Variants in NDST3 observed in about 807,000 individuals in gnomAD.
The protein encoded by NDST3 is bifunctional heparan sulfate N-deacetylase/N-sulfotransferase 3.
NDST3 carries 58 observed loss-of-function variants against 96.1 expected under a neutral mutation model. That is an observed-to-expected ratio of 0.60 (90% CI 0.49 to 0.75). NDST3 has a LOEUF of 0.75. NDST3 is among the 30% of genes least tolerant of loss of function. The pLI, the probability that NDST3 is intolerant of heterozygous loss-of-function variation, is 0.00. For synonymous variants in NDST3, 333 were observed against 359.7 expected (o/e 0.93, Z 0.84); for missense variants, 788 against 1,034.2 (o/e 0.76, Z 3.27).
At chr4:118,184,580 C>T (rs1157640432) in intron 6 of NDST3, among the ~76,000 whole-genome samples, 3 of 137,704 alleles carry the variant, frequency 2.2e-5, no homozygotes, top group East Asian at 2.2e-4. Flanking sequence ...TCTCTGTCTC[C>T]CTTTGTCTCT....
rs758653255 is a variant in NDST3 at position 118,240,604 on chromosome 4, G to A, written c.2199G>A (p.Ser733=). The A allele has an allele frequency of 4.3e-6, 7 of 1,613,670 alleles. No homozygotes were observed. The Admixed American group carries it at 5.0e-5, about 12-fold the overall frequency. The change falls in exon 11 of 14, where the codon TCG becomes TCA. Residue 733 remains serine, a synonymous_variant. Coordinates refer to ENST00000296499, the MANE Select transcript of NDST3 (RefSeq NM_004784.3). Reference sequence around the variant, plus strand: ...TCTCAGCAGGGCCCCGTGCACCCTCGGAGCTCAGAGCCTTGCAGAAGAGAT... The same window carrying A: ...TCTCAGCAGGGCCCCGTGCACCCTCAGAGCTCAGAGCCTTGCAGAAGAGAT... ...EVISAGPRAP[S]ELRALQKRCL...
intron 1 of NDST3, among the ~76,000 whole-genome samples, chr4:118,041,759 C>T (rs1423992681): frequency 1.3e-5 from 2 of 152,174 alleles, no homozygotes; most frequent in Admixed American, 6.5e-5. Context: ...CATCACTATA[C>T]TGAAATGTTT....
chr4:118,212,486 G>A (rs922906590), intron 6 of NDST3, among the ~76,000 whole-genome samples: 6 of 152,226 alleles, frequency 3.9e-5, no homozygotes, highest in African/African-American at 1.4e-4. Context: ...GCTGCAGTGA[G>A]CTGTGATGGA....
At chr4:118,120,408 G>A (rs1405306426) in intron 4 of NDST3, among the ~76,000 whole-genome samples, 2 of 152,140 alleles carry the variant, frequency 1.3e-5, no homozygotes, top group African/African-American at 4.8e-5. Flanking sequence ...GGGTAAGCAG[G>A]CTCAGGATTG....
chr4:118,125,327 C>T (rs1731961196), intron 4 of NDST3, among the ~76,000 whole-genome samples: 1 of 151,962 alleles, frequency 6.6e-6, no homozygotes, highest in Admixed American at 6.6e-5. Flanking sequence ...CAACAGCTGC[C>T]AACAGGGGAT....
chr4:118,249,344 G>A (rs1741509202), intron 12 of NDST3, among the ~76,000 whole-genome samples: 1 of 152,124 alleles, frequency 6.6e-6, no homozygotes, highest in South Asian at 2.1e-4. Flanking sequence ...ATTGCTGATA[G>A]CAAAATGTTA....
At chr4:118,070,775 C>G (rs1251470318) in intron 2 of NDST3, among the ~76,000 whole-genome samples, 1 of 151,544 alleles carries the variant, frequency 6.6e-6, no homozygotes, top group Non-Finnish European at 1.5e-5. Flanking sequence ...TTAGGTATAT[C>G]TCCTAATGCT....
intron 2 of NDST3, among the ~76,000 whole-genome samples, chr4:118,102,418 T>C (rs999689434): frequency 2.2e-4 from 34 of 152,082 alleles, no homozygotes; most frequent in African/African-American, 7.7e-4. Context: ...CCAGAATACA[T>C]GTGGTTTTCT....
intron 2 of NDST3, among the ~76,000 whole-genome samples, chr4:118,085,272 G>C (rs1327686124): frequency 6.6e-6 from 1 of 152,084 alleles, no homozygotes; most frequent in African/African-American, 2.4e-5. Flanking sequence ...AATGCTTCTA[G>C]CGCTCTCAAA....
chr4:118,130,600 C>A (rs951446983), intron 4 of NDST3, among the ~76,000 whole-genome samples: 1 of 152,124 alleles, frequency 6.6e-6, no homozygotes, highest in African/African-American at 2.4e-5. Context: ...AGTTTACACA[C>A]CACCATTACA....
chr4:118,104,551 C>A (rs189316710), intron 2 of NDST3, among the ~76,000 whole-genome samples: 7 of 152,216 alleles, frequency 4.6e-5, no homozygotes, highest in Admixed American at 3.3e-4. Context: ...GAACAACAAT[C>A]ATTATCTTTT....
intron 6 of NDST3, among the ~76,000 whole-genome samples, chr4:118,209,053 T>C (rs1738619305): frequency 6.6e-6 from 1 of 152,154 alleles, no homozygotes; most frequent in African/African-American, 2.4e-5. Context: ...CAAATTTTCA[T>C]GTAGGTCAAT....
intron 6 of NDST3, among the ~76,000 whole-genome samples, chr4:118,211,426 A>C (rs1362064070): frequency 6.7e-6 from 1 of 148,208 alleles, no homozygotes; most frequent in Non-Finnish European, 1.5e-5. Flanking sequence ...GAATATACAT[A>C]GAAATATAAA....
intron 6 of NDST3, among the ~76,000 whole-genome samples, chr4:118,213,600 A>G (rs552917051): frequency 5.9e-5 from 9 of 151,662 alleles, no homozygotes; most frequent in African/African-American, 1.7e-4. Context: ...CACATTTTAA[A>G]GTATTTTTAA....
At chr4:118,193,830 G>A in intron 6 of NDST3, 2 of 1,398,502 alleles carry the variant, frequency 1.4e-6, no homozygotes, top group South Asian at 1.2e-5. Context: ...GAGGCCAGTT[G>A]AAGGGCCTGT....
intron 2 of NDST3, among the ~76,000 whole-genome samples, chr4:118,102,150 G>GA (rs551140246): frequency 5.1e-4 from 78 of 151,890 alleles, no homozygotes; most frequent in African/African-American, 1.8e-3. Context: ...TTTTTAATTA[G>GA]AAAAAATGTT....
At chr4:118,097,215 A>C (rs1291729237) in intron 2 of NDST3, among the ~76,000 whole-genome samples, 5 of 151,914 alleles carry the variant, frequency 3.3e-5, no homozygotes, top group African/African-American at 1.2e-4. Context: ...AGTACTTTTG[A>C]GCCAGCACAA....
At chr4:118,081,666 A>C (rs1728033995) in intron 2 of NDST3, among the ~76,000 whole-genome samples, 1 of 152,162 alleles carries the variant, frequency 6.6e-6, no homozygotes, top group African/African-American at 2.4e-5. Context: ...TGTGCTAATT[A>C]AGTACATTTA....
intron 1 of NDST3, among the ~76,000 whole-genome samples, chr4:118,045,118 T>A (rs1366278478): frequency 6.6e-6 from 1 of 152,096 alleles, no homozygotes; most frequent in Non-Finnish European, 1.5e-5. Flanking sequence ...TTTTAAGTAT[T>A]TCTCACTCTT....
Sources: allele counts gnomAD v4.1 joint callset (sites outside exome capture counted in the v4.1 genomes callset), GRCh38; gene constraint gnomAD v4.1.1; transcripts MANE v1.5; gene names NCBI Gene and HGNC (gene_info 2026-07-23, HGNC 2026-07-21).